ZC2HC1A: variants seen among roughly 807,000 people sequenced by gnomAD.
ZC2HC1A encodes the protein zinc finger C2HC-type containing 1A.
In ZC2HC1A, 28 loss-of-function variants were observed where a neutral mutation model predicts 40.7. The ratio of observed to expected loss-of-function variants is 0.69; its 90% CI spans 0.51 to 0.94. The LOEUF is 0.94. Among genes scored for constraint, ZC2HC1A ranks in the 40% least tolerant of loss-of-function variants. ZC2HC1A has a pLI of 0.00. For missense variants in ZC2HC1A, 389 were observed against 386.3 expected (o/e 1.01, Z -0.06); for synonymous variants, 129 against 129.2 (o/e 1.00, Z 0.01).
intron 3 of ZC2HC1A, among the ~76,000 whole-genome samples, chr8:78,682,721 A>G (rs146368917): frequency 1.0e-3 from 157 of 152,278 alleles, no homozygotes; most frequent in Non-Finnish European, 1.4e-3. Flanking sequence ...TGCCTTCCCA[A>G]CAGTCCCCCA....
intron 8 of ZC2HC1A, among the ~76,000 whole-genome samples, chr8:78,716,121 G>GT (rs1281805654): frequency 1.4e-5 from 2 of 142,948 alleles, no homozygotes; most frequent in African/African-American, 2.6e-5. Context: ...TTTTGTTTTT[G>GT]TTTTTTTGGT....
chr8:78,696,019 A>T (rs3780003), intron 5 of ZC2HC1A, among the ~76,000 whole-genome samples: 83,557 of 151,952 alleles, frequency 0.55, 25,362 homozygotes, highest in South Asian at 0.7. Flanking sequence ...TTTGAAAATG[A>T]TAATTTAAAA....
At chr8:78,716,227 A>G (rs1811097549) in intron 8 of ZC2HC1A, among the ~76,000 whole-genome samples, 1 of 150,922 alleles carries the variant, frequency 6.6e-6, no homozygotes, top group Admixed American at 6.6e-5. Context: ...GGTTCACGCC[A>G]TTCTCCTGCC....
Position 78,717,503 on chromosome 8 carries a change from C to CAA in ZC2HC1A, c.*23_*24dup, listed in dbSNP as rs5892663. The CAA allele has an allele frequency of 0.048, 58,035 of 1,208,936 alleles. 23 individuals carry two copies. The highest frequency in any genetic ancestry group is 0.068 in the East Asian group (2,243 of 33,042). 74.9% of individuals were successfully genotyped at this position (1,208,936 alleles called of 1,614,324 possible). On this transcript the variant is annotated 3_prime_UTR_variant, in exon 9 of 9. Coordinates refer to ENST00000263849, the MANE Select transcript of ZC2HC1A (RefSeq NM_016010.3). ...AAGAATGATTCTATGAATAGAATCT[C>CAA]AAAAAAAAAAAAAAGCCAAGTTCAG...
intron 5 of ZC2HC1A, among the ~76,000 whole-genome samples, chr8:78,695,665 T>C (rs1256215748): frequency 4.6e-5 from 7 of 152,170 alleles, no homozygotes; most frequent in African/African-American, 1.7e-4. Context: ...TCTATATATA[T>C]ATAGTGGCCC....
At chr8:78,704,404 AAAG>A (rs1302301373) in intron 7 of ZC2HC1A, among the ~76,000 whole-genome samples, 5 of 151,692 alleles carry the variant, frequency 3.3e-5, no homozygotes, top group Non-Finnish European at 1.5e-5. Context: ...AAAAAAAAAA[AAAG>A]AATGTTAAAT....
chr8:78,692,471 G>A (rs1348206393), intron 5 of ZC2HC1A, among the ~76,000 whole-genome samples: 1 of 152,084 alleles, frequency 6.6e-6, no homozygotes, highest in Admixed American at 6.5e-5. Context: ...TTCTTTGCTG[G>A]TAATGTTTGG....
intron 4 of ZC2HC1A, 62 bp downstream of exon 4, chr8:78,686,670 T>C: frequency 2.2e-6 from 3 of 1,383,726 alleles, no homozygotes; most frequent in Non-Finnish European, 2.8e-6. Context: ...AGAGTTTTTA[T>C]AAATTTTCAC....
chr8:78,687,916 T>TAA (rs1338725583), intron 4 of ZC2HC1A, among the ~76,000 whole-genome samples: 7 of 140,922 alleles, frequency 5.0e-5, no homozygotes, highest in African/African-American at 1.6e-4. Context: ...TATATAAATA[T>TAA]ATAATTATTT....
At chr8:78,690,109 A>G (rs1275446372) in intron 5 of ZC2HC1A, among the ~76,000 whole-genome samples, 1 of 152,212 alleles carries the variant, frequency 6.6e-6, no homozygotes, top group African/African-American at 2.4e-5. Context: ...TCAGATGAAT[A>G]TAAATGTATG....
At chr8:78,697,269 T>C (rs1323380387) in intron 5 of ZC2HC1A, 138 bp from the exon 6 acceptor site, 4 of 645,264 alleles carry the variant, frequency 6.2e-6, no homozygotes, top group Non-Finnish European at 1.0e-5. Context: ...GCAACCATCA[T>C]CACCATTCAT....
chr8:78,697,445 A>G lies in ZC2HC1A; in HGVS notation c.543A>G (p.Gly181=), dbSNP rs1810461382. ...PPALKKSNSP[G]TASSGSSRLP... ...CACTTAAAAAGTCAAATTCTCCTGG[A>G]ACTGCATCATCAGGATCTTCACGAT... The change falls in exon 6 of 9, where the codon GGA becomes GGG. Residue 181 remains glycine (G), a synonymous_variant. Coordinates refer to ENST00000263849, the MANE Select transcript of ZC2HC1A (RefSeq NM_016010.3). The G allele has an allele frequency of 6.2e-6, 10 of 1,609,606 alleles. No individual in the cohort carries two copies. In the East Asian group the frequency reaches 6.7e-5, roughly 11 times the overall value.
chr8:78,672,253 A>G (rs1809454390), intron 1 of ZC2HC1A, among the ~76,000 whole-genome samples: 1 of 152,150 alleles, frequency 6.6e-6, no homozygotes, highest in African/African-American at 2.4e-5. Context: ...TAAAATTTAT[A>G]TCCAGGCACA....
intron 1 of ZC2HC1A, among the ~76,000 whole-genome samples, chr8:78,670,829 G>A (rs929923194): frequency 6.6e-6 from 1 of 152,146 alleles, no homozygotes; most frequent in African/African-American, 2.4e-5. Flanking sequence ...TGAAGGTTGT[G>A]TGTTGAGTCG....
At chr8:78,700,376 G>A (rs903082419) in intron 7 of ZC2HC1A, among the ~76,000 whole-genome samples, 1 of 151,548 alleles carries the variant, frequency 6.6e-6, no homozygotes, top group Admixed American at 6.6e-5. Context: ...TTGTAAGTTT[G>A]TTTGTTAAAT....
At chr8:78,666,337 T>C (rs1585969512) in intron 1 of ZC2HC1A, among the ~76,000 whole-genome samples, 173 bp downstream of exon 1, 1 of 152,170 alleles carries the variant, frequency 6.6e-6, no homozygotes, top group South Asian at 2.1e-4. Flanking sequence ...CCCGATGCGG[T>C]GGAGCTAACG....
At chr8:78,697,692 T>C (rs1272324393) in intron 6 of ZC2HC1A, among the ~76,000 whole-genome samples, 186 bp downstream of exon 6, 1 of 151,912 alleles carries the variant, frequency 6.6e-6, no homozygotes, top group Non-Finnish European at 1.5e-5. Flanking sequence ...CTTTTTTTTT[T>C]TTTTTTGACG....
At chr8:78,715,421 T>G in intron 8 of ZC2HC1A, 93 bp downstream of exon 8, 7 of 1,195,490 alleles carry the variant, frequency 5.9e-6, no homozygotes, top group Non-Finnish European at 8.0e-6. Flanking sequence ...AACAAGCTAT[T>G]TATAGAAAAC....
In ZC2HC1A at chr8:78,718,656, TA is replaced by T. The variant is rs1481797933; in HGVS notation, c.*1164del. 2.6e-5 allele frequency: 4 copies of T among 151,914 alleles called. No homozygotes were observed. The highest frequency in any genetic ancestry group is 5.9e-5 in the Non-Finnish European group (4 of 67,776). The allele number at this position is 151,914 out of a possible 1,614,324, so 9.4% of individuals were successfully genotyped here. ...GTATTGTTTTAATGCATAATTGACT[TA>T]CCTAATTAAACATACACACAAATTT... On this transcript the variant is annotated 3_prime_UTR_variant, in exon 9 of 9. Coordinates refer to ENST00000263849, the MANE Select transcript of ZC2HC1A (RefSeq NM_016010.3).
Sources: allele counts gnomAD v4.1 joint callset (sites outside exome capture counted in the v4.1 genomes callset), GRCh38; gene constraint gnomAD v4.1.1; transcripts MANE v1.5; gene names NCBI Gene and HGNC (gene_info 2026-07-23, HGNC 2026-07-21).